Variants in CAST observed in about 807,000 individuals in gnomAD.
CAST encodes the protein MIR583 host.
CAST carries 76 observed loss-of-function variants against 119.6 expected under a neutral mutation model. That is an observed-to-expected ratio of 0.64 (90% confidence interval 0.53 to 0.77). CAST has a LOEUF of 0.77. Among genes scored for constraint, CAST ranks in the 30% least tolerant of loss-of-function variants. CAST has a pLI of 0.00. For synonymous variants in CAST, 319 were observed against 331.6 expected, an observed-to-expected ratio of 0.96 and a Z score of 0.41; for missense variants, 953 against 946.5, an observed-to-expected ratio of 1.01 and a Z score of -0.09.
the CAST span, among the ~76,000 whole-genome samples, chr5:96,322,937 G>T: frequency 6.6e-6 from 1 of 152,130 alleles, no homozygotes; most frequent in Non-Finnish European, 1.5e-5. Context: ...AGGAGAAAGG[G>T]ACTCTTCCCT....
intron 1 of CAST, among the ~76,000 whole-genome samples, chr5:96,632,719 AC>A (rs1231493296): frequency 1.4e-5 from 2 of 143,040 alleles, no homozygotes; most frequent in African/African-American, 5.2e-5. Context: ...TTCTTTCAGC[AC>A]CCTTGTCAAA....
At chr5:96,422,755 G>A in the CAST span, among the ~76,000 whole-genome samples, 1 of 152,020 alleles carries the variant, frequency 6.6e-6, no homozygotes, top group African/African-American at 2.4e-5. Context: ...GATATATGAT[G>A]GTGTTCATAT....
intron 1 of CAST, among the ~76,000 whole-genome samples, chr5:96,575,010 G>T (rs1259578895): frequency 6.6e-6 from 1 of 152,100 alleles, no homozygotes; most frequent in African/African-American, 2.4e-5. Context: ...AATTTGGAAA[G>T]AATTGAAATC....
chr5:96,439,675 C>A, the CAST span, among the ~76,000 whole-genome samples: 2 of 152,130 alleles, frequency 1.3e-5, no homozygotes, highest in East Asian at 3.8e-4. Context: ...ACCCCCGAAC[C>A]AACTGTAAGA....
the CAST span, among the ~76,000 whole-genome samples, chr5:96,406,176 T>G: frequency 6.6e-6 from 1 of 152,140 alleles, no homozygotes; most frequent in African/African-American, 2.4e-5. Flanking sequence ...GTTTGACCCC[T>G]TCATTTTATA....
chr5:96,611,550 G>A (rs973091014), intron 1 of CAST, among the ~76,000 whole-genome samples: 1 of 135,166 alleles, frequency 7.4e-6, no homozygotes, highest in Non-Finnish European at 1.7e-5. Flanking sequence ...ATGGGCCTAG[G>A]GAAAGAATTT....
At chr5:96,474,805 C>A in the CAST span, among the ~76,000 whole-genome samples, 25 of 152,084 alleles carry the variant, frequency 1.6e-4, no homozygotes, top group Non-Finnish European at 1.0e-4. Context: ...CTATGAGATA[C>A]CGTCTTGGAT....
intron 1 of CAST, among the ~76,000 whole-genome samples, chr5:96,530,104 A>G (rs1375047933): frequency 6.6e-6 from 1 of 152,208 alleles, no homozygotes; most frequent in Non-Finnish European, 1.5e-5. Flanking sequence ...AAATAAACAT[A>G]ATAATTTCAA....
At chr5:96,203,320 A>ATT in the CAST span, among the ~76,000 whole-genome samples, 4 of 148,992 alleles carry the variant, frequency 2.7e-5, no homozygotes, top group African/African-American at 7.4e-5. Flanking sequence ...TATTCCACAA[A>ATT]TTTTTTTTTT....
rs79506054 is a variant in CAST at position 96,582,413 on chromosome 5, C to T, written c.60+52533C>T. On this transcript the variant is annotated intron_variant, in intron 1 of 11. Transcript: ENST00000505143. Reference sequence around the variant, plus strand: ...AACAAGATCCGTATTTCAGAAAATGCCTCCTTCATATTCACAGTCACTCGT... The same window carrying T: ...AACAAGATCCGTATTTCAGAAAATGTCTCCTTCATATTCACAGTCACTCGT... Among the ~76,000 whole-genome samples, 539 of 152,328 alleles carry T rather than the reference C, an allele frequency of 3.5e-3. 17 individuals carry two copies. In the East Asian group the frequency reaches 0.074, roughly 21 times the overall value.
chr5:96,130,558 A>G, the CAST span, among the ~76,000 whole-genome samples: 1 of 152,060 alleles, frequency 6.6e-6, no homozygotes, highest in African/African-American at 2.4e-5. Context: ...TTAATATGAG[A>G]TGTTAAAAAT....
the CAST span, among the ~76,000 whole-genome samples, chr5:96,271,059 C>G: frequency 6.6e-6 from 1 of 151,534 alleles, no homozygotes; most frequent in African/African-American, 2.4e-5. Flanking sequence ...TAAAATGATC[C>G]AGAAGCAGTT....
the CAST span, among the ~76,000 whole-genome samples, chr5:96,458,601 T>A: frequency 2.0e-5 from 3 of 152,154 alleles, no homozygotes; most frequent in Non-Finnish European, 2.9e-5. Flanking sequence ...GAAAAGGGAA[T>A]CTTACACAGT....
At chr5:96,380,955 C>T in the CAST span, among the ~76,000 whole-genome samples, 1 of 152,130 alleles carries the variant, frequency 6.6e-6, no homozygotes, top group Non-Finnish European at 1.5e-5. Context: ...GTTTCAGAGT[C>T]TACATTGTAT....
chr5:96,260,339 T>C, the CAST span, among the ~76,000 whole-genome samples: 1 of 152,162 alleles, frequency 6.6e-6, no homozygotes, highest in Non-Finnish European at 1.5e-5. Context: ...AAGACTTCTG[T>C]GGATACACAG....
chr5:96,128,380 G>T, the CAST span, among the ~76,000 whole-genome samples: 1 of 152,024 alleles, frequency 6.6e-6, no homozygotes, highest in South Asian at 2.1e-4. Flanking sequence ...CCTGGACTCT[G>T]CACAGTTAGG....
the CAST span, chr5:96,210,026 A>T: frequency 2.7e-5 from 4 of 150,402 alleles, no homozygotes; most frequent in African/African-American, 7.3e-5. Flanking sequence ...TTTTTTCATT[A>T]AGATATTGTC....
In CAST at chr5:96,561,799, T is replaced by TTTTTGTTTTTTG. The variant is rs1554067797; in HGVS notation, c.60+31923_60+31924insGTTTTTTGTTTT. Among the ~76,000 whole-genome samples the TTTTTGTTTTTTG allele has an allele frequency of 7.8e-5, 7 of 89,486 alleles. 1 individual carries two copies. Among genetic ancestry groups the TTTTTGTTTTTTG allele is most frequent in the Admixed American group, 1.4e-4 (1 of 7,386 alleles). 58.7% of individuals were successfully genotyped at this position (89,486 alleles called of 152,430 possible). ...TATTATATATATGTTTTTTTTTGTT[T>TTTTTGTTTTTTG]TTTTTTTTTTTGAGACGGAGTCTCG... On this transcript the variant is annotated intron_variant, in intron 1 of 11. Transcript: ENST00000505143.
At chr5:96,695,522 A>G (rs534340441) in intron 2 of CAST, among the ~76,000 whole-genome samples, 2 of 152,342 alleles carry the variant, frequency 1.3e-5, no homozygotes, top group East Asian at 3.9e-4. Flanking sequence ...GTAACATTGT[A>G]TACTCTCTAT....
Sources: allele counts gnomAD v4.1 joint callset (sites outside exome capture counted in the v4.1 genomes callset), GRCh38; gene constraint gnomAD v4.1.1; transcripts MANE v1.5; gene names NCBI Gene and HGNC (gene_info 2026-07-23, HGNC 2026-07-21).